ULK4: variants seen among roughly 807,000 people sequenced by gnomAD.
ULK4 encodes the protein inactive serine/threonine-protein kinase ULK4.
ULK4 carries 133 observed loss-of-function variants against 160.6 expected under a neutral mutation model. That is an observed-to-expected ratio of 0.83 (90% CI 0.72 to 0.96). The LOEUF (loss-of-function observed/expected upper bound fraction) is 0.96. Ranked by LOEUF, ULK4 falls within the 40% of genes least tolerant of loss-of-function variation. ULK4 has a pLI of 0.00. For synonymous variants in ULK4, 534 were observed against 539.8 expected (o/e 0.99, Z 0.15); for missense variants, 1,580 against 1,499.5 (o/e 1.05, Z -0.89).
At chr3:41,253,317 T>A (rs1245959528) in intron 35 of ULK4, among the ~76,000 whole-genome samples, 1 of 152,048 alleles carries the variant, frequency 6.6e-6, no homozygotes, top group Non-Finnish European at 1.5e-5. Flanking sequence ...ATTGTATTGA[T>A]GGGGTTTTCA....
intron 5 of ULK4, among the ~76,000 whole-genome samples, chr3:41,926,600 G>GA (rs912255846): frequency 1.9e-4 from 29 of 150,084 alleles, no homozygotes; most frequent in Non-Finnish European, 4.0e-4. Context: ...TAAGAACCTT[G>GA]AAAAAAGGTT....
At chr3:41,701,941 G>A (rs1196027534) in intron 27 of ULK4, among the ~76,000 whole-genome samples, 2 of 151,846 alleles carry the variant, frequency 1.3e-5, no homozygotes, top group African/African-American at 4.8e-5. Flanking sequence ...ACCTTATATA[G>A]GGAAAAAACA....
At chr3:41,843,936 G>GGA (rs2042001651) in intron 17 of ULK4, among the ~76,000 whole-genome samples, 1 of 152,064 alleles carries the variant, frequency 6.6e-6, no homozygotes, top group Non-Finnish European at 1.5e-5. Flanking sequence ...CAGAGTGTCT[G>GGA]CACAAAGGTT....
intron 17 of ULK4, among the ~76,000 whole-genome samples, chr3:41,838,283 T>C (rs1458207435): frequency 1.3e-5 from 2 of 152,208 alleles, no homozygotes; most frequent in African/African-American, 4.8e-5. Context: ...CTTTCGTAGT[T>C]GAGCAAAAAT....
chr3:41,849,966 C>T (rs139688158), intron 17 of ULK4, among the ~76,000 whole-genome samples: 1 of 152,102 alleles, frequency 6.6e-6, no homozygotes, highest in Non-Finnish European at 1.5e-5. Context: ...TTCCCCTCCC[C>T]GCACCCCACA....
chr3:41,359,060 A>G (rs2081080771), intron 35 of ULK4, among the ~76,000 whole-genome samples: 1 of 152,132 alleles, frequency 6.6e-6, no homozygotes, highest in South Asian at 2.1e-4. Context: ...TTGTTCCCTC[A>G]CTCCCTTCAG....
chr3:41,645,633 A>T (rs372929336), intron 30 of ULK4, among the ~76,000 whole-genome samples: 9,209 of 151,994 alleles, frequency 0.061, 425 homozygotes, highest in African/African-American at 0.13. Context: ...ATTTTGGAAT[A>T]GGTGTGGTGT....
intron 35 of ULK4, among the ~76,000 whole-genome samples, chr3:41,295,749 A>G (rs1332681523): frequency 6.6e-6 from 1 of 152,160 alleles, no homozygotes; most frequent in East Asian, 1.9e-4. Flanking sequence ...ACCTTTTAGA[A>G]TGGCCCAAAT....
intron 17 of ULK4, among the ~76,000 whole-genome samples, chr3:41,852,738 C>A (rs888056064): frequency 6.6e-6 from 1 of 152,066 alleles, no homozygotes; most frequent in African/African-American, 2.4e-5. Context: ...CTCTTGGTGA[C>A]CTCGAAATGA....
At chr3:41,321,349 A>G (rs1390035814) in intron 35 of ULK4, among the ~76,000 whole-genome samples, 2 of 152,184 alleles carry the variant, frequency 1.3e-5, no homozygotes, top group Non-Finnish European at 1.5e-5. Context: ...TGCAATGACT[A>G]TAGTACCCAG....
chr3:41,328,503 G>A (rs1180538708), intron 35 of ULK4, among the ~76,000 whole-genome samples: 1 of 152,178 alleles, frequency 6.6e-6, no homozygotes, highest in Non-Finnish European at 1.5e-5. Context: ...GGCAAGAGCA[G>A]AGAGAGGTGA....
chr3:41,863,935 C>T (rs1049051478), intron 17 of ULK4, among the ~76,000 whole-genome samples: 3 of 151,876 alleles, frequency 2.0e-5, no homozygotes, highest in Admixed American at 1.3e-4. Flanking sequence ...AGCCAGCACT[C>T]CCCAGCTGCC....
chr3:41,296,882 G>C (rs1265336684), intron 35 of ULK4, among the ~76,000 whole-genome samples: 2 of 151,584 alleles, frequency 1.3e-5, no homozygotes, highest in African/African-American at 2.4e-5. Flanking sequence ...AGAGGAAGGG[G>C]AGAGGGATAA....
chr3:41,499,664 T>C (rs1202742545), intron 32 of ULK4, among the ~76,000 whole-genome samples: 1 of 152,140 alleles, frequency 6.6e-6, no homozygotes, highest in African/African-American at 2.4e-5. Context: ...AATTAATATA[T>C]CAATTACGCA....
intron 35 of ULK4, among the ~76,000 whole-genome samples, chr3:41,269,971 G>A (rs983212624): frequency 1.3e-5 from 2 of 152,036 alleles, no homozygotes; most frequent in Admixed American, 6.6e-5. Context: ...TGACATGTGC[G>A]AAAATTATAA....
intron 32 of ULK4, among the ~76,000 whole-genome samples, chr3:41,508,685 A>G (rs1350525561): frequency 6.6e-6 from 1 of 152,148 alleles, no homozygotes; most frequent in African/African-American, 2.4e-5. Context: ...CCCTGAGCCC[A>G]GTAGCTCTGC....
chr3:41,638,445 T>G (rs1335206077), intron 30 of ULK4, among the ~76,000 whole-genome samples: 1 of 152,168 alleles, frequency 6.6e-6, no homozygotes, highest in African/African-American at 2.4e-5. Flanking sequence ...CAAAAAATGG[T>G]GTATTCTGAA....
chr3:41,273,883 C>T (rs923335773), intron 35 of ULK4, among the ~76,000 whole-genome samples: 3 of 152,094 alleles, frequency 2.0e-5, no homozygotes, highest in African/African-American at 7.2e-5. Flanking sequence ...CATATGTCTG[C>T]TTCCTCCTTG....
At chr3:41,569,944 G>A (rs2087913215) in intron 31 of ULK4, among the ~76,000 whole-genome samples, 1 of 152,168 alleles carries the variant, frequency 6.6e-6, no homozygotes, top group African/African-American at 2.4e-5. Context: ...ATGGGCAGAA[G>A]CATTAAGCGC....
Sources: gnomAD v4.1 joint callset for allele counts (sites outside exome capture counted in the v4.1 genomes callset) on GRCh38, gnomAD v4.1.1 for gene constraint, MANE v1.5 for transcripts, NCBI Gene and HGNC (gene_info 2026-07-23, HGNC 2026-07-21) for gene names.